Variants in AGBL4 observed in about 807,000 individuals in gnomAD.
AGBL4 encodes cytosolic carboxypeptidase 6.
AGBL4 carries 58 observed loss-of-function variants against 66.4 expected under a neutral mutation model. The observed-to-expected ratio is 0.87, with a 90% CI of 0.71 to 1.09. The LOEUF (loss-of-function observed/expected upper bound fraction) is 1.09. Ranked by LOEUF, AGBL4 falls within the 50% of genes least tolerant of loss-of-function variation. The probability of loss-of-function intolerance (pLI) is 0.00; values close to 1 mark genes in which losing one functional copy is unlikely to be tolerated. For synonymous variants in AGBL4, 234 were observed against 222.9 expected (o/e 1.05, Z -0.44); for missense variants, 579 against 631.0 (o/e 0.92, Z 0.88).
chr1:48,949,522 C>G (rs1363656659), intron 5 of AGBL4, among the ~76,000 whole-genome samples: 2 of 152,178 alleles, frequency 1.3e-5, no homozygotes. Flanking sequence ...TGATGGCTGC[C>G]TTTGAACAGA....
At chr1:50,023,696 C>T in intron 1 of AGBL4, 67 bp downstream of exon 1, 1 of 1,513,626 alleles carries the variant, frequency 6.6e-7, no homozygotes, top group East Asian at 2.6e-5. Flanking sequence ...GCCCGAGTCC[C>T]CTGTTGCCTG....
intron 3 of AGBL4, among the ~76,000 whole-genome samples, chr1:49,653,244 G>A (rs1389746747): frequency 1.3e-5 from 2 of 152,046 alleles, no homozygotes; most frequent in African/African-American, 4.8e-5. Context: ...GGGTCTGATT[G>A]CTAAAAGAAA....
At chr1:49,988,019 T>C (rs933090395) in intron 1 of AGBL4, among the ~76,000 whole-genome samples, 7 of 151,798 alleles carry the variant, frequency 4.6e-5, no homozygotes, top group Non-Finnish European at 7.4e-5. Flanking sequence ...ATAGAATTTA[T>C]TTAAGGGAAG....
At chr1:48,883,328 G>A (rs1393972576) in intron 5 of AGBL4, among the ~76,000 whole-genome samples, 1 of 152,098 alleles carries the variant, frequency 6.6e-6, no homozygotes, top group Non-Finnish European at 1.5e-5. Context: ...GTCAGGTGAT[G>A]TCTCATTGTG....
chr1:49,979,233 G>A (rs1349310658), intron 1 of AGBL4, among the ~76,000 whole-genome samples: 9 of 151,236 alleles, frequency 6.0e-5, no homozygotes, highest in Admixed American at 2.0e-4. Context: ...AGGCCGAGGC[G>A]GGTGGATCAT....
chr1:49,432,012 T>G (rs1645799135), intron 3 of AGBL4, among the ~76,000 whole-genome samples: 1 of 152,138 alleles, frequency 6.6e-6, no homozygotes, highest in African/African-American at 2.4e-5. Context: ...TTCCTGGGCC[T>G]TAAAGCATGA....
chr1:49,761,886 A>G (rs1287893556), intron 2 of AGBL4, among the ~76,000 whole-genome samples: 1 of 152,042 alleles, frequency 6.6e-6, no homozygotes, highest in African/African-American at 2.4e-5. Context: ...TCTGGTGCCC[A>G]TTGTTCTACT....
At chr1:49,339,855 T>C (rs545831435) in intron 3 of AGBL4, among the ~76,000 whole-genome samples, 1 of 152,312 alleles carries the variant, frequency 6.6e-6, no homozygotes, top group African/African-American at 2.4e-5. Flanking sequence ...TCACTTACTG[T>C]GGAATTTCAA....
chr1:49,285,349 T>A (rs1375691369), intron 3 of AGBL4, among the ~76,000 whole-genome samples: 2 of 152,138 alleles, frequency 1.3e-5, no homozygotes, highest in Non-Finnish European at 2.9e-5. Context: ...CATACCATTA[T>A]CTGTGGGACG....
In AGBL4 at chr1:49,313,650, T is replaced by C. The variant is rs1168107667; in HGVS notation, c.283-67786A>G. On this transcript the variant is annotated intron_variant, in intron 3 of 13. Transcript: ENST00000371839. The stretch of plus-strand genomic sequence containing the variant: ...GTGATGATGAGCTTTTTTTCATATG[T>C]TTGTTGGCCACATAAATGTCTTCTT... Among the ~76,000 whole-genome samples, 5 of 152,208 alleles carry C rather than the reference T, an allele frequency of 3.3e-5. No individual in the cohort carries two copies. The East Asian group carries it at 9.6e-4, about 29-fold the overall frequency.
intron 6 of AGBL4, among the ~76,000 whole-genome samples, chr1:48,729,816 G>T (rs1320657929): frequency 1.3e-5 from 2 of 151,248 alleles, no homozygotes; most frequent in Admixed American, 6.6e-5. Flanking sequence ...GCTTTTAATT[G>T]ACCTCGACCA....
chr1:48,624,907 T>C (rs1452432863), intron 9 of AGBL4, among the ~76,000 whole-genome samples: 1 of 151,986 alleles, frequency 6.6e-6, no homozygotes, highest in Non-Finnish European at 1.5e-5. Context: ...TGTGTGTGTG[T>C]GTGTGTGTGT....
At chr1:49,061,832 C>G (rs1644408126) in intron 4 of AGBL4, among the ~76,000 whole-genome samples, 1 of 152,018 alleles carries the variant, frequency 6.6e-6, no homozygotes, top group Admixed American at 6.6e-5. Context: ...GGGACTAAGC[C>G]CCAGATATAT....
intron 3 of AGBL4, among the ~76,000 whole-genome samples, chr1:49,326,539 A>G (rs1325673712): frequency 6.6e-6 from 1 of 152,206 alleles, no homozygotes; most frequent in Non-Finnish European, 1.5e-5. Context: ...ATAATTAAAG[A>G]AAAGGAGAAG....
intron 3 of AGBL4, among the ~76,000 whole-genome samples, chr1:49,299,301 A>G (rs1378174583): frequency 6.6e-6 from 1 of 152,214 alleles, no homozygotes; most frequent in Non-Finnish European, 1.5e-5. Flanking sequence ...CTATAGGTTT[A>G]ATAACATGCC....
intron 1 of AGBL4, among the ~76,000 whole-genome samples, chr1:49,948,095 T>A (rs1467327541): frequency 3.6e-4 from 31 of 86,288 alleles, no homozygotes; most frequent in South Asian, 4.5e-4. Context: ...AATATATGTA[T>A]ATGTATATAT....
chr1:49,759,039 C>G (rs996080320), intron 2 of AGBL4, among the ~76,000 whole-genome samples: 3 of 152,134 alleles, frequency 2.0e-5, no homozygotes, highest in African/African-American at 7.2e-5. Context: ...ATTGAATTCT[C>G]AGGAGATCTA....
intron 3 of AGBL4, among the ~76,000 whole-genome samples, chr1:49,445,150 G>GC (rs1553203391): frequency 4.3e-4 from 64 of 148,130 alleles, no homozygotes; most frequent in Non-Finnish European, 7.6e-4. Context: ...ATGGCTGACA[G>GC]TTTTTTTTTT....
At chr1:49,763,451 T>C (rs976990291) in intron 2 of AGBL4, among the ~76,000 whole-genome samples, 1 of 152,142 alleles carries the variant, frequency 6.6e-6, no homozygotes. Flanking sequence ...ATCTCTCACG[T>C]AGAGGAAACA....
Sources: allele counts gnomAD v4.1 joint callset (sites outside exome capture counted in the v4.1 genomes callset), GRCh38; gene constraint gnomAD v4.1.1; transcripts MANE v1.5; gene names NCBI Gene and HGNC (gene_info 2026-07-23, HGNC 2026-07-21).